DPPA2: variants seen among roughly 807,000 people sequenced by gnomAD.
The protein encoded by DPPA2 is developmental pluripotency-associated protein 2.
In DPPA2, 26 loss-of-function variants were observed where a neutral mutation model predicts 36.2. The observed-to-expected ratio is 0.72, with a 90% CI of 0.53 to 1.00. The LOEUF is 1.00. DPPA2 is among the 50% of genes least tolerant of loss of function. DPPA2 has a pLI of 0.00. For synonymous variants in DPPA2, 113 were observed against 123.2 expected (o/e 0.92, Z 0.55); for missense variants, 361 against 365.1 (o/e 0.99, Z 0.09).
intron 8 of DPPA2, among the ~76,000 whole-genome samples, chr3:109,298,872 G>A (rs1332744785): frequency 6.6e-6 from 1 of 151,470 alleles, no homozygotes; most frequent in Non-Finnish European, 1.5e-5. Flanking sequence ...GGTGAAACCC[G>A]TCCTCTACCA....
At chr3:109,302,948 T>C (rs773798459) in intron 7 of DPPA2, among the ~76,000 whole-genome samples, 4 of 152,128 alleles carry the variant, frequency 2.6e-5, no homozygotes, top group Non-Finnish European at 4.4e-5. Flanking sequence ...AACAAGTCCA[T>C]GTCCCAAAAG....
intron 8 of DPPA2, among the ~76,000 whole-genome samples, chr3:109,294,840 A>G (rs1166151693): frequency 2.0e-5 from 3 of 152,052 alleles, no homozygotes; most frequent in Non-Finnish European, 2.9e-5. Context: ...TGGCCAATAC[A>G]GTGAAACCCT....
intron 3 of DPPA2, among the ~76,000 whole-genome samples, chr3:109,309,562 C>A (rs949458876): frequency 4.6e-5 from 7 of 151,404 alleles, no homozygotes; most frequent in African/African-American, 1.2e-4. Context: ...TGCTGGCGGG[C>A]GCCTGTAGTC....
At chr3:109,299,686 C>CA (rs755862175) in intron 8 of DPPA2, among the ~76,000 whole-genome samples, 3,127 of 49,936 alleles carry the variant, frequency 0.063, 60 homozygotes, top group Non-Finnish European at 0.081. Flanking sequence ...GACCCCGTCT[C>CA]AAAAAAAAAA....
intron 8 of DPPA2, among the ~76,000 whole-genome samples, chr3:109,297,041 C>G (rs939092739): frequency 3.9e-5 from 6 of 152,134 alleles, no homozygotes; most frequent in African/African-American, 1.4e-4. Flanking sequence ...GCGCCATGAT[C>G]ACACCACTGC....
chr3:109,300,171 T>A (rs1707433793), intron 8 of DPPA2, among the ~76,000 whole-genome samples, 200 bp downstream of exon 8: 1 of 152,180 alleles, frequency 6.6e-6, no homozygotes, highest in South Asian at 2.1e-4. Flanking sequence ...AGCACAGCAA[T>A]GATTGGGATG....
rs761631948 is a variant in DPPA2, at chr3:109,309,325, G to C, written c.187C>G (p.Leu63Val). 3 of 1,613,838 alleles carry C rather than the reference G, an allele frequency of 1.9e-6. No homozygotes were observed. In the East Asian group the frequency reaches 6.7e-5, roughly 36 times the overall value. ...GTAAATTGCTCATTTGTTTGAAGTA[G>C]ATGACCTAAGACAAGAATGGAACCA... ...EKPKKYNPGHLLQTNEQFTAP... is the reference protein window; with the variant it reads ...EKPKKYNPGHVLQTNEQFTAP... Residue 63 changes from leucine (L) to valine (V), a missense_variant, in exon 4 of 9, where the codon CTA (leucine) becomes GTA (valine). Physicochemically the swap from Leu to Val is conservative, Grantham distance 32 (BLOSUM62 1). Transcript: ENST00000478945.
At chr3:109,294,079 G>A (rs1456468920) in intron 8 of DPPA2, 75 bp from the exon 9 acceptor site, 3 of 152,282 alleles carry the variant, frequency 2.0e-5, no homozygotes, top group Non-Finnish European at 1.5e-5. Context: ...AAGAGAGTTA[G>A]GGTGTTTTGT....
chr3:109,312,436 A>AT (rs1236910611), intron 3 of DPPA2, 109 bp downstream of exon 3: 1 of 1,362,220 alleles, frequency 7.3e-7, no homozygotes, highest in African/African-American at 1.4e-5. Flanking sequence ...ACAAGGTGAG[A>AT]TTTAAGCTGG....
intron 2 of DPPA2, 27 bp from the exon 3 acceptor site, chr3:109,312,719 T>C: frequency 6.2e-7 from 1 of 1,611,402 alleles, no homozygotes; most frequent in Non-Finnish European, 8.5e-7. Context: ...GTCACTGATT[T>C]TCATTTGATG....
intron 7 of DPPA2, among the ~76,000 whole-genome samples, chr3:109,303,301 ATCTTC>A (rs1242759376): frequency 6.6e-6 from 1 of 151,462 alleles, no homozygotes; most frequent in East Asian, 1.9e-4. Context: ...AGAACGTGTA[ATCTTC>A]TCTTAAGTTT....
intron 2 of DPPA2, among the ~76,000 whole-genome samples, 191 bp from the exon 3 acceptor site, chr3:109,312,883 G>A (rs1227507398): frequency 6.6e-6 from 1 of 152,102 alleles, no homozygotes; most frequent in East Asian, 1.9e-4. Flanking sequence ...GAAAAAAACG[G>A]GCAAAAGCCA....
intron 8 of DPPA2, among the ~76,000 whole-genome samples, chr3:109,294,537 C>T (rs1392133432): frequency 6.6e-6 from 1 of 152,156 alleles, no homozygotes; most frequent in Non-Finnish European, 1.5e-5. Flanking sequence ...ACAGAATATA[C>T]TGCAAGTCAC....
chr3:109,306,841 C>T (rs1472141819), intron 6 of DPPA2, among the ~76,000 whole-genome samples: 2 of 151,514 alleles, frequency 1.3e-5, no homozygotes, highest in Non-Finnish European at 2.9e-5. Flanking sequence ...GGCATGGTGG[C>T]GCATGACTGT....
chr3:109,309,766 A>G (rs1206913665), intron 3 of DPPA2, among the ~76,000 whole-genome samples: 25 of 150,886 alleles, frequency 1.7e-4, no homozygotes, highest in Non-Finnish European at 1.5e-5. Flanking sequence ...ATCAATTTTT[A>G]TTTCTCATAT....
chr3:109,299,148 A>G (rs1357929502), intron 8 of DPPA2, among the ~76,000 whole-genome samples: 1 of 151,078 alleles, frequency 6.6e-6, no homozygotes, highest in Admixed American at 6.6e-5. Flanking sequence ...ACCTGAGGTC[A>G]GGAGTTCCAG....
At chr3:109,301,445 C>T (rs1046296753) in intron 7 of DPPA2, among the ~76,000 whole-genome samples, 1 of 151,894 alleles carries the variant, frequency 6.6e-6, no homozygotes, top group Non-Finnish European at 1.5e-5. Context: ...TGAGGTCAGG[C>T]GTTCCAGACC....
intron 3 of DPPA2, among the ~76,000 whole-genome samples, chr3:109,310,511 G>A (rs760803589): frequency 4.7e-5 from 7 of 147,828 alleles, no homozygotes; most frequent in Non-Finnish European, 7.5e-5. Flanking sequence ...GGTTTTTTTT[G>A]TTGTTTTTTT....
At chr3:109,313,938 T>C (rs1433542445) in intron 2 of DPPA2, among the ~76,000 whole-genome samples, 2 of 152,132 alleles carry the variant, frequency 1.3e-5, no homozygotes, top group African/African-American at 2.4e-5. Context: ...GGTACAGTGA[T>C]GCCTGTAAAT....
Sources: allele counts gnomAD v4.1 joint callset (sites outside exome capture counted in the v4.1 genomes callset), GRCh38; gene constraint gnomAD v4.1.1; transcripts MANE v1.5; gene names NCBI Gene and HGNC (gene_info 2026-07-23, HGNC 2026-07-21).